The following AHCTF1 variants were observed in gnomAD, a reference collection of about 807,000 sequenced individuals.
The protein encoded by AHCTF1 is AT-hook containing transcription factor 1.
A neutral mutation model predicts 248.4 loss-of-function variants in AHCTF1; 24 were observed. The observed-to-expected ratio is 0.10, with a 90% confidence interval of 0.07 to 0.14. AHCTF1 has a LOEUF of 0.14. Among genes scored for constraint, AHCTF1 ranks in the 10% least tolerant of loss-of-function variants. AHCTF1 has a pLI of 1.00. For missense variants in AHCTF1, 2,206 were observed against 2,636.2 expected, an observed-to-expected ratio of 0.84 and a Z score of 3.57; for synonymous variants, 786 against 929.8, an observed-to-expected ratio of 0.85 and a Z score of 2.81.
In AHCTF1 at chr1:246,890,020, G is replaced by C. The variant is rs1410012516; in HGVS notation, c.2090C>G (p.Pro697Arg). The C allele has an allele frequency of 5.6e-6, 9 of 1,612,702 alleles. No homozygotes were observed. Residue 697 changes from proline to arginine, a missense_variant, in exon 17 of 36, where the codon CCT (proline) becomes CGT (arginine). Pro to Arg is a moderately radical substitution (Grantham distance 103). Transcript: ENST00000648844. ...ACTGGTGTAGTAGTTCTGAATTACA[G>C]GGTAGTTGTAGCATAACCTTGACAA... ...VQLSRLCYNY[P>R]VIQNYYTSRR...
At chr1:246,875,902 C>T (rs1364732780) in intron 24 of AHCTF1, 135 bp downstream of exon 24, 3 of 855,918 alleles carry the variant, frequency 3.5e-6, no homozygotes, top group Non-Finnish European at 5.2e-6. Context: ...GATCTGGAAC[C>T]AAACCAGCAA....
In AHCTF1 at chr1:246,931,881, G is replaced by C. The variant is rs1014660226; in HGVS notation, c.-311C>G. 6.6e-6 allele frequency: 1 copy of C among 152,638 alleles called. No individual in the cohort carries two copies. The highest frequency in any genetic ancestry group is 1.5e-5 in the Non-Finnish European group (1 of 68,412). The allele number at this position is 152,638 out of a possible 1,614,324, so 9.5% of individuals were successfully genotyped here. ...GCCGCGCTTCTGGGTCCTTCCCCTT[G>C]CAACGCTGCCTGCTCGCCTCGGACA... On this transcript the variant is annotated 5_prime_UTR_variant, in exon 1 of 36. Coordinates refer to ENST00000648844, the MANE Select transcript of AHCTF1 (RefSeq NM_001323342.2).
At chr1:246,892,859 T>G (rs1380362979) in intron 14 of AHCTF1, among the ~76,000 whole-genome samples, 1 of 152,078 alleles carries the variant, frequency 6.6e-6, no homozygotes, top group East Asian at 1.9e-4. Context: ...TTGCTCAGGC[T>G]GGTCTTGAAC....
chr1:246,841,875 T>C (rs1005959969), intron 35 of AHCTF1, among the ~76,000 whole-genome samples: 1 of 151,902 alleles, frequency 6.6e-6, no homozygotes, highest in African/African-American at 2.4e-5. Context: ...CACTGCAACC[T>C]CCGCCTCCTG....
At chr1:246,864,138 A>G (rs1661780464) in intron 26 of AHCTF1, 22 bp from the exon 27 acceptor site, 2 of 1,607,648 alleles carry the variant, frequency 1.2e-6, no homozygotes, top group South Asian at 2.2e-5. Context: ...ATGCGCATTT[A>G]TTGAGTTATA....
chr1:246,890,181 A>T, intron 16 of AHCTF1, 122 bp from the exon 17 acceptor site: 5 of 593,198 alleles, frequency 8.4e-6, no homozygotes, highest in African/African-American at 1.9e-5. Context: ...CAGGGTGGGT[A>T]TATTTAGGTA....
At chr1:246,892,029 A>C in intron 14 of AHCTF1, 110 bp from the exon 15 acceptor site, 1 of 1,196,008 alleles carries the variant, frequency 8.4e-7, no homozygotes, top group African/African-American at 1.6e-5. Context: ...TATTCTATTC[A>C]TTATGAGATT....
chr1:246,899,360 C>T, intron 11 of AHCTF1, 91 bp downstream of exon 11: 1 of 1,068,440 alleles, frequency 9.4e-7, no homozygotes, highest in South Asian at 1.6e-5. Flanking sequence ...AAACAACTGT[C>T]AATATCACTA....
intron 24 of AHCTF1, among the ~76,000 whole-genome samples, chr1:246,869,043 A>G (rs528345511): frequency 2.6e-5 from 4 of 151,270 alleles, no homozygotes; most frequent in South Asian, 4.2e-4. Flanking sequence ...ACGGGGTTTC[A>G]CCATGTTGGC....
intron 29 of AHCTF1, among the ~76,000 whole-genome samples, chr1:246,858,752 T>C (rs1394489888): frequency 6.8e-6 from 1 of 146,502 alleles, no homozygotes; most frequent in Admixed American, 6.9e-5. Context: ...TGAGCCGAGA[T>C]CACACCACTG....
intron 2 of AHCTF1, among the ~76,000 whole-genome samples, chr1:246,918,004 C>T (rs545866503): frequency 6.6e-6 from 1 of 152,088 alleles, no homozygotes; most frequent in South Asian, 2.1e-4. Context: ...ATAGATAATA[C>T]TAAGATACAA....
chr1:246,901,621 C>T (rs1005386208), intron 8 of AHCTF1, among the ~76,000 whole-genome samples: 6 of 151,082 alleles, frequency 4.0e-5, no homozygotes, highest in Non-Finnish European at 7.4e-5. Flanking sequence ...CTCAAAAAAA[C>T]AAAACAAAAA....
At chr1:246,906,560 C>T (rs1395670718) in intron 5 of AHCTF1, among the ~76,000 whole-genome samples, 1 of 151,652 alleles carries the variant, frequency 6.6e-6, no homozygotes, top group East Asian at 1.9e-4. Flanking sequence ...CCAGCCTGGG[C>T]AACAGAGTGA....
rs777935709 is a variant in AHCTF1 at position 246,854,026 on chromosome 1, G to A, written c.4355-727C>T. Among the ~76,000 whole-genome samples, 7 of 152,240 alleles carry A rather than the reference G, an allele frequency of 4.6e-5. No homozygotes were observed. The East Asian group carries it at 5.8e-4, about 13-fold the overall frequency. ...TAAAATATTAAAAATCTGGCTGGGC[G>A]CAGTGGCTCACGCCTGTAATCCTAG... On this transcript the variant is annotated intron_variant, in intron 31 of 35. Coordinates refer to ENST00000648844, the MANE Select transcript of AHCTF1 (RefSeq NM_001323342.2).
intron 4 of AHCTF1, among the ~76,000 whole-genome samples, chr1:246,912,838 C>G (rs1665902264): frequency 6.6e-6 from 1 of 152,112 alleles, no homozygotes; most frequent in Admixed American, 6.5e-5. Context: ...GCCAAGAACA[C>G]TATGTTAGAT....
At chr1:246,895,240 A>G (rs907163483) in intron 13 of AHCTF1, among the ~76,000 whole-genome samples, 1 of 152,172 alleles carries the variant, frequency 6.6e-6, no homozygotes, top group Admixed American at 6.5e-5. Flanking sequence ...AAAAGTCTTA[A>G]TTTTCTTGAT....
chr1:246,918,424 C>G, intron 1 of AHCTF1, 47 bp from the exon 2 acceptor site: 2 of 1,520,150 alleles, frequency 1.3e-6, no homozygotes, highest in Non-Finnish European at 1.8e-6. Context: ...CATTTGTAGA[C>G]AATATACTTG....
intron 2 of AHCTF1, among the ~76,000 whole-genome samples, chr1:246,916,788 A>T (rs1487828529): frequency 1.3e-5 from 2 of 152,216 alleles, no homozygotes; most frequent in African/African-American, 2.4e-5. Context: ...ACCTTCCCAA[A>T]GTCAAAAAGT....
chr1:246,882,621 T>C (rs1220285488), intron 21 of AHCTF1, among the ~76,000 whole-genome samples: 2 of 152,080 alleles, frequency 1.3e-5, no homozygotes, highest in Non-Finnish European at 2.9e-5. Flanking sequence ...GACAGCAAAA[T>C]AAACCCACCT....
Sources: gnomAD v4.1 joint callset for allele counts (sites outside exome capture counted in the v4.1 genomes callset) on GRCh38, gnomAD v4.1.1 for gene constraint, MANE v1.5 for transcripts, NCBI Gene and HGNC (gene_info 2026-07-23, HGNC 2026-07-21) for gene names.